SAMD3: variants seen among roughly 807,000 people sequenced by gnomAD.
The protein encoded by SAMD3 is sterile alpha motif domain containing 3.
A neutral mutation model predicts 58.5 loss-of-function variants in SAMD3; 63 were observed. The ratio of observed to expected loss-of-function variants is 1.08; its 90% CI spans 0.88 to 1.33. SAMD3 has a LOEUF of 1.33. SAMD3 is among the 40% of genes most tolerant of loss of function. SAMD3 has a pLI of 0.00. For missense variants in SAMD3, 604 were observed against 608.4 expected, an observed-to-expected ratio of 0.99 and a Z score of 0.08; for synonymous variants, 220 against 210.3, an observed-to-expected ratio of 1.05 and a Z score of -0.40.
chr6:130,260,834 C>T (rs545398091), intron 2 of SAMD3, among the ~76,000 whole-genome samples: 18 of 152,184 alleles, frequency 1.2e-4, no homozygotes, highest in African/African-American at 2.2e-4. Context: ...GGCTGAACAC[C>T]GGGAAGGAAC....
chr6:130,205,279 G>C (rs1478739386), intron 5 of SAMD3, among the ~76,000 whole-genome samples: 1 of 150,734 alleles, frequency 6.6e-6, no homozygotes, highest in Non-Finnish European at 1.5e-5. Context: ...CACATCCCAA[G>C]TTCTATTTTA....
At chr6:130,252,915 G>T (rs1054862659) in intron 2 of SAMD3, among the ~76,000 whole-genome samples, 1 of 152,140 alleles carries the variant, frequency 6.6e-6, no homozygotes, top group Non-Finnish European at 1.5e-5. Flanking sequence ...GTTTTAAGAC[G>T]ATGACATTGG....
chr6:130,144,898 G>T, intron 11 of SAMD3, 94 bp from the exon 12 acceptor site: 1 of 1,145,926 alleles, frequency 8.7e-7, no homozygotes, highest in Non-Finnish European at 1.2e-6. Flanking sequence ...AAATCAGCTT[G>T]TTGCAATGTA....
intron 1 of SAMD3, among the ~76,000 whole-genome samples, chr6:130,221,031 T>G (rs977687800): frequency 9.9e-5 from 15 of 152,192 alleles, no homozygotes; most frequent in Middle Eastern, 3.4e-3. Flanking sequence ...TTTTTTTGTG[T>G]TTTTAGTAGA....
intron 8 of SAMD3, among the ~76,000 whole-genome samples, chr6:130,170,204 C>G (rs1395626231): frequency 6.6e-6 from 1 of 152,166 alleles, no homozygotes; most frequent in Non-Finnish European, 1.5e-5. Flanking sequence ...CCCTTGTCCC[C>G]CACCGCCAAC....
chr6:130,346,472 T>C (rs1156305462), intron 1 of SAMD3, among the ~76,000 whole-genome samples: 1 of 152,202 alleles, frequency 6.6e-6, no homozygotes, highest in African/African-American at 2.4e-5. Flanking sequence ...CCTCGCTCAT[T>C]GCTAGCACAC....
chr6:130,309,304 G>A (rs1562513833), intron 2 of SAMD3, among the ~76,000 whole-genome samples: 1 of 152,156 alleles, frequency 6.6e-6, no homozygotes, highest in Non-Finnish European at 1.5e-5. Flanking sequence ...CCCAGCTCTA[G>A]CTTGTATGAC....
chr6:130,217,634 C>A (rs1449363272), intron 1 of SAMD3, among the ~76,000 whole-genome samples: 1 of 152,194 alleles, frequency 6.6e-6, no homozygotes, highest in African/African-American at 2.4e-5. Context: ...AATAGGGTCA[C>A]CTGCTGTGAA....
intron 7 of SAMD3, chr6:130,183,254 T>C (rs754551009): frequency 2.4e-6 from 1 of 412,728 alleles, no homozygotes; most frequent in African/African-American, 2.1e-5. Context: ...AGAGAATTGC[T>C]TGAACCCAGG....
At chr6:130,264,830 A>C (rs1182493595) in intron 2 of SAMD3, among the ~76,000 whole-genome samples, 1 of 152,088 alleles carries the variant, frequency 6.6e-6, no homozygotes, top group Non-Finnish European at 1.5e-5. Flanking sequence ...CTGACCTGAC[A>C]AAACCCTTTA....
Position 130,360,829 on chromosome 6 carries a change from C to T in SAMD3, c.-304+4291G>A, listed in dbSNP as rs555309306. ...CCAAGGGGGCCATTTTAGAGACCCACCCTCAGGGGCATATTCTCTTTCTCA... is the reference window on the plus strand; with the variant it reads ...CCAAGGGGGCCATTTTAGAGACCCATCCTCAGGGGCATATTCTCTTTCTCA... On this transcript the variant is annotated intron_variant, in intron 1 of 13. Transcript: ENST00000368134. 2.0e-4 allele frequency among the ~76,000 whole-genome samples: 30 copies of T among 152,300 alleles called. No homozygotes were observed. In the South Asian group the frequency reaches 6.0e-3, roughly 30 times the overall value.
chr6:130,179,447 C>T (rs1041086943), intron 7 of SAMD3, among the ~76,000 whole-genome samples: 2 of 152,088 alleles, frequency 1.3e-5, no homozygotes, highest in African/African-American at 4.8e-5. Context: ...AAATTGCAGA[C>T]CTCCTGTTGT....
intron 2 of SAMD3, among the ~76,000 whole-genome samples, chr6:130,297,688 C>A (rs943127312): frequency 6.6e-6 from 1 of 151,964 alleles, no homozygotes; most frequent in Non-Finnish European, 1.5e-5. Flanking sequence ...TAAGAAAAAA[C>A]CAAATAGAAC....
At chr6:130,346,178 A>G (rs959170177) in intron 1 of SAMD3, among the ~76,000 whole-genome samples, 1 of 152,200 alleles carries the variant, frequency 6.6e-6, no homozygotes, top group African/African-American at 2.4e-5. Flanking sequence ...TGCATTTCCA[A>G]CTGAGGTACT....
intron 1 of SAMD3, among the ~76,000 whole-genome samples, chr6:130,345,750 C>A (rs902481893): frequency 1.3e-5 from 2 of 152,108 alleles, no homozygotes; most frequent in Admixed American, 1.3e-4. Flanking sequence ...GTCAGTTGTC[C>A]TCAAGTGGTA....
upstream of SAMD3, among the ~76,000 whole-genome samples, chr6:130,224,239 G>A (rs1016947299): frequency 2.6e-5 from 4 of 152,136 alleles, no homozygotes; most frequent in African/African-American, 7.2e-5. Context: ...GTCTGTGCCC[G>A]CTAGGGTCTC....
chr6:130,309,936 G>C (rs1410320685), intron 2 of SAMD3, among the ~76,000 whole-genome samples: 1 of 152,116 alleles, frequency 6.6e-6, no homozygotes, highest in Non-Finnish European at 1.5e-5. Context: ...GAGAGAGAGG[G>C]AGAGAGAGAG....
chr6:130,252,776 C>G (rs1773782807), intron 2 of SAMD3, among the ~76,000 whole-genome samples: 1 of 152,174 alleles, frequency 6.6e-6, no homozygotes. Flanking sequence ...ATTAATTCAG[C>G]TGTGGCACAG....
At chr6:130,357,501 A>G (rs879279769) in intron 1 of SAMD3, among the ~76,000 whole-genome samples, 1 of 152,152 alleles carries the variant, frequency 6.6e-6, no homozygotes, top group Non-Finnish European at 1.5e-5. Context: ...GCTGTACCAC[A>G]TTAACTCCTG....
Sources: allele counts gnomAD v4.1 joint callset (sites outside exome capture counted in the v4.1 genomes callset), GRCh38; gene constraint gnomAD v4.1.1; transcripts MANE v1.5; gene names NCBI Gene and HGNC (gene_info 2026-07-23, HGNC 2026-07-21).